The following RO60 variants were observed in gnomAD, a reference collection of about 807,000 sequenced individuals.
The protein encoded by RO60 is Ro60, Y RNA binding protein.
In RO60, 20 loss-of-function variants were observed where a neutral mutation model predicts 55.3. That is an observed-to-expected ratio of 0.36 (90% CI 0.25 to 0.53). The LOEUF is 0.53. Among genes scored for constraint, RO60 ranks in the 20% least tolerant of loss-of-function variants. The pLI is 0.92. For synonymous variants in RO60, 213 were observed against 213.6 expected (o/e 1.00, Z 0.02); for missense variants, 558 against 646.6 (o/e 0.86, Z 1.49).
chr1:193,081,630 T>G, intron 6 of RO60, 150 bp downstream of exon 6: 1 of 548,380 alleles, frequency 1.8e-6, no homozygotes, highest in Non-Finnish European at 3.2e-6. Context: ...AAGATAATTG[T>G]GTAAAGCCAG....
In RO60 at chr1:193,059,872, A is replaced by G. The variant is rs775324725; in HGVS notation, c.-22+96A>G. 2.9e-6 allele frequency: 4 copies of G among 1,364,746 alleles called. No homozygotes were observed. The highest frequency in any genetic ancestry group is 2.1e-4 in the Middle Eastern group (1 of 4,766). The allele number at this position is 1,364,746 out of a possible 1,614,324, so 84.5% of individuals were successfully genotyped here. On this transcript the variant is annotated intron_variant, in intron 1 of 8. Coordinates refer to ENST00000400968, the MANE Select transcript of RO60 (RefSeq NM_001173524.2). The surrounding 1 kb of genome is among the most constrained non-coding windows in gnomAD (Gnocchi z 4.9). ...CCTCCATGTCTCTCACCCGCATCCCAGGGGTTGAGGCTGGGCAAACGCCGC... is the reference window on the plus strand; with the variant it reads ...CCTCCATGTCTCTCACCCGCATCCCGGGGGTTGAGGCTGGGCAAACGCCGC...
chr1:193,072,143 A>T (rs1185790768), intron 2 of RO60, among the ~76,000 whole-genome samples: 1 of 152,120 alleles, frequency 6.6e-6, no homozygotes, highest in Non-Finnish European at 1.5e-5. Context: ...AGCTGGGATT[A>T]CAAGCTCCTG....
In RO60 at chr1:193,082,647, C is replaced by T. The variant is rs762526830; in HGVS notation, c.1403C>T (p.Thr468Ile). The T allele has an allele frequency of 6.2e-6, 10 of 1,613,678 alleles. No homozygotes were observed. In the East Asian group the frequency reaches 2.2e-4, roughly 36 times the overall value. The stretch of plus-strand genomic sequence containing the variant: ...CCTGCTGATGTCTTCATTGTATTCA[C>T]TGATAATGAGACCTTTGCTGGAGGT... ...NTPADVFIVF[T>I]DNETFAGGVH... Residue 468 changes from threonine (T) to isoleucine (I), a missense_variant, in exon 8 of 9, where the codon ACT becomes ATT. Physicochemically the swap from Thr to Ile is moderately conservative, Grantham distance 89. Transcript: ENST00000400968.
chr1:193,077,569 A>C (rs899738880), intron 5 of RO60, among the ~76,000 whole-genome samples: 1 of 152,166 alleles, frequency 6.6e-6, no homozygotes, highest in African/African-American at 2.4e-5. Flanking sequence ...ATTCACTATC[A>C]CAAGAACAGT....
At chr1:193,067,966 A>G (rs1331681748) in intron 1 of RO60, among the ~76,000 whole-genome samples, 4 of 152,164 alleles carry the variant, frequency 2.6e-5, no homozygotes, top group Non-Finnish European at 4.4e-5. Context: ...TTGGTGTGCC[A>G]TCTTAAACTG....
At chr1:193,080,955 A>T (rs867641837) in intron 5 of RO60, among the ~76,000 whole-genome samples, 2 of 152,170 alleles carry the variant, frequency 1.3e-5, no homozygotes, top group Non-Finnish European at 2.9e-5. Context: ...TAGTTACACA[A>T]CATTGCGAAT....
In RO60 at chr1:193,088,490, A is replaced by C. The variant is rs1371438669; in HGVS notation, c.*3759A>C. ...CTGAAGGTCTCACAATTAAGTGAGA[A>C]ACACCTTTAAAAGCATAGTAAAGCT... On this transcript the variant is annotated 3_prime_UTR_variant, in exon 9 of 9. Coordinates refer to ENST00000400968, the MANE Select transcript of RO60 (RefSeq NM_001173524.2). 1.3e-5 allele frequency: 2 copies of C among 152,126 alleles called. No individual in the cohort carries two copies. The highest frequency in any genetic ancestry group is 3.8e-4 in the East Asian group (2 of 5,198). 9.4% of individuals were successfully genotyped at this position (152,126 alleles called of 1,614,324 possible). A position where few individuals can be genotyped will look rare whatever the true frequency, so the allele number is the denominator to read the frequency against.
At position 193,060,139 on chromosome 1, in the gene RO60, C is replaced by T. The variant is rs1011624071; in HGVS notation, c.-22+363C>T. ...CGGCTTCTGCGCGGAGAGGCGTCGC[C>T]CGGGATCTGGGTTTTGGAAGAAGGA... On this transcript the variant is annotated intron_variant, in intron 1 of 8. Transcript: ENST00000400968. 7 of 1,188,840 alleles carry T rather than the reference C, an allele frequency of 5.9e-6. No individual in the cohort carries two copies. In the African/African-American group the frequency reaches 1.1e-4, roughly 19 times the overall value. The allele number at this position is 1,188,840 out of a possible 1,614,324, so 73.6% of individuals were successfully genotyped here. A position where few individuals can be genotyped will look rare whatever the true frequency, so the allele number is the denominator to read the frequency against.
chr1:193,060,987 C>CTTAA (rs762658981), intron 1 of RO60, among the ~76,000 whole-genome samples: 16 of 152,130 alleles, frequency 1.1e-4, no homozygotes, highest in Non-Finnish European at 1.8e-4. Flanking sequence ...TGATACCCAA[C>CTTAA]TTAATTAACA....
intron 2 of RO60, among the ~76,000 whole-genome samples, chr1:193,075,595 G>A (rs1052770604): frequency 6.6e-6 from 1 of 151,872 alleles, no homozygotes; most frequent in Non-Finnish European, 1.5e-5. Flanking sequence ...CAGGATACAG[G>A]TTTTTTTACT....
rs1446680898 is a variant in RO60, at chr1:193,070,363, A to C, written c.580+729A>C. Among the ~76,000 whole-genome samples the C allele has an allele frequency of 2.6e-5, 4 of 152,178 alleles. 1 individual carries two copies. The South Asian group carries it at 6.2e-4, about 24-fold the overall frequency. On this transcript the variant is annotated intron_variant, in intron 2 of 8. Transcript: ENST00000400968. ...CTTCAGGCAGTTAGTCAGGGGACAT[A>C]ATAACTTGGGGCAGTTTTTCTGTAT... is the stretch of plus-strand genomic sequence containing the variant.
rs58226496 is a variant in RO60 at position 193,081,147 on chromosome 1, T to A, written c.1087-217T>A. Among the ~76,000 whole-genome samples, 488 of 152,304 alleles carry A rather than the reference T, an allele frequency of 3.2e-3. 1 individual carries two copies. The highest frequency in any genetic ancestry group is 9.2e-3 in the African/African-American group (383 of 41,572). On this transcript the variant is annotated intron_variant, in intron 5 of 8. Coordinates refer to ENST00000400968, the MANE Select transcript of RO60 (RefSeq NM_001173524.2). ...ATTGAATAGGTTATTTCCTTTGTTT[T>A]ACCTGTAAAAGCTAAGTATTTTTAT...
chr1:193,071,874 AAT>A (rs1673540129), intron 2 of RO60, among the ~76,000 whole-genome samples: 1 of 149,224 alleles, frequency 6.7e-6, no homozygotes, highest in African/African-American at 2.4e-5. Context: ...ATGTATATAT[AAT>A]ATATATGTAT....
In RO60 at chr1:193,070,578, A is replaced by G. The variant is rs373460985; in HGVS notation, c.580+944A>G. 388 of 448,876 alleles carry G rather than the reference A, an allele frequency of 8.6e-4. 2 individuals carry two copies. Among genetic ancestry groups the G allele is most frequent in the African/African-American group, 7.6e-3 (376 of 49,628 alleles). The allele number at this position is 448,876 out of a possible 1,614,324, so 27.8% of individuals were successfully genotyped here. A position where few individuals can be genotyped will look rare whatever the true frequency, so the allele number is the denominator to read the frequency against. On this transcript the variant is annotated intron_variant, in intron 2 of 8. Transcript: ENST00000400968. ...GTGAAACTTGAAAAGACAGCCACTC[A>G]GAAGGGTGGGTTCACATTTCAGTTC...
At chr1:193,065,895 G>A (rs1673070199) in intron 1 of RO60, among the ~76,000 whole-genome samples, 1 of 151,932 alleles carries the variant, frequency 6.6e-6, no homozygotes, top group Non-Finnish European at 1.5e-5. Flanking sequence ...TCAGATCACT[G>A]TCCCCCTCAG....
Position 193,059,927 on chromosome 1 carries a change from C to T in RO60, c.-22+151C>T, listed in dbSNP as rs1250406599. The T allele has an allele frequency of 7.3e-7, 1 of 1,366,138 alleles. No homozygotes were observed. The highest frequency in any genetic ancestry group is 1.5e-5 in the African/African-American group (1 of 67,746). The allele number at this position is 1,366,138 out of a possible 1,614,324, so 84.6% of individuals were successfully genotyped here. ...CTATCGCTCTTCCCCGTCCCGCTTC[C>T]GCGCCTGTCCACCCTGGGTAACGGA... On this transcript the variant is annotated intron_variant, in intron 1 of 8. Transcript: ENST00000400968. The surrounding 1 kb of genome is among the most constrained non-coding windows in gnomAD (Gnocchi z 4.9).
chr1:193,062,652 C>G (rs1175661894), intron 1 of RO60, among the ~76,000 whole-genome samples: 1 of 152,140 alleles, frequency 6.6e-6, no homozygotes, highest in Admixed American at 6.6e-5. Flanking sequence ...AAAAGAAATC[C>G]CCTACCCATT....
chr1:193,075,956 A>G lies in RO60; in HGVS notation c.717A>G (p.Arg239=), dbSNP rs1474634444. The G allele has an allele frequency of 2.5e-6, 4 of 1,613,288 alleles. No individual in the cohort carries two copies. In the African/African-American group the frequency reaches 5.3e-5, roughly 22 times the overall value. ...CTGTAGAGAAAGTGAAGCGCACAAGAGATGAGCTAGAAGTCATTCATCTAA... is the reference window on the plus strand; with the variant it reads ...CTGTAGAGAAAGTGAAGCGCACAAGGGATGAGCTAGAAGTCATTCATCTAA... ...LEAVEKVKRT[R]DELEVIHLIE... is the part of the protein sequence containing the mutation. Residue 239 remains arginine, a synonymous_variant, in exon 3 of 9, where the codon AGA becomes AGG. Transcript: ENST00000400968.
Position 193,084,628 on chromosome 1 carries a change from G to A in RO60, c.1514G>A (p.Gly505Asp), listed in dbSNP as rs370689819. ...KLIVCGMTSN[G>D]FTIADPDDRG... ...ATTGTTTGTGGAATGACATCAAATGGTTTCACCATTGCAGACCCAGATGAT... is the reference window on the plus strand; with the variant it reads ...ATTGTTTGTGGAATGACATCAAATGATTTCACCATTGCAGACCCAGATGAT... Residue 505 changes from glycine to aspartate, a missense_variant, in exon 9 of 9, where the codon GGT becomes GAT. Transcript: ENST00000400968. The A allele has an allele frequency of 8.1e-6, 13 of 1,613,690 alleles. No homozygotes were observed. In the African/African-American group the frequency reaches 1.6e-4, roughly 20 times the overall value.
Sources: gnomAD v4.1 joint callset for allele counts (sites outside exome capture counted in the v4.1 genomes callset) on GRCh38, gnomAD v4.1.1 for gene constraint, Gnocchi (gnomAD v3.1) non-coding constraint, MANE v1.5 for transcripts, NCBI Gene and HGNC (gene_info 2026-07-23, HGNC 2026-07-21) for gene names.